SMC6: variants seen among roughly 807,000 people sequenced by gnomAD.
SMC6 encodes the protein structural maintenance of chromosomes 6.
In SMC6, 79 loss-of-function variants were observed where a neutral mutation model predicts 142.2. The observed-to-expected ratio is 0.56, with a 90% CI of 0.46 to 0.67. The LOEUF (loss-of-function observed/expected upper bound fraction) is 0.67, where lower values mean the gene tolerates loss of function less well. SMC6 is among the 30% of genes least tolerant of loss of function. SMC6 has a pLI of 0.00. For missense variants in SMC6, 1,072 were observed against 1,284.0 expected (o/e 0.83, Z 2.52); for synonymous variants, 411 against 412.4 (o/e 1.00, Z 0.04).
At chr2:17,712,822 C>A (rs1668895095) in intron 16 of SMC6, among the ~76,000 whole-genome samples, 2 of 152,190 alleles carry the variant, frequency 1.3e-5, no homozygotes, top group South Asian at 4.1e-4. Context: ...GTAAAGTTAA[C>A]AGAATGTTAG....
intron 19 of SMC6, 51 bp downstream of exon 19, chr2:17,703,106 A>G: frequency 1.7e-6 from 2 of 1,152,352 alleles, no homozygotes; most frequent in East Asian, 2.6e-5. Context: ...TCAACTTCGT[A>G]GTAGTAAGTT....
In SMC6 at chr2:17,666,499, T is replaced by C. The variant is rs184603634; in HGVS notation, c.3082A>G (p.Ile1028Val). Residue 1028 changes from isoleucine to valine, a missense_variant, in exon 27 of 28, where the codon ATT becomes GTT. Ile to Val is a conservative substitution (Grantham distance 29). Coordinates refer to ENST00000448223, the MANE Select transcript of SMC6 (RefSeq NM_001142286.2). ...ATCTTCAGTATCAAGTCCATGGCAA[T>C]TCTCCTATTAACCATATCCTGAAAA... ...DVYMDMVNRR[I>V]AMDLILKMAD... 1 of 1,613,696 alleles carries C rather than the reference T, an allele frequency of 6.2e-7. No individual in the cohort carries two copies. The highest frequency in any genetic ancestry group is 2.2e-5 in the East Asian group (1 of 44,856).
chr2:17,742,047 G>C (rs1670497921), intron 3 of SMC6, among the ~76,000 whole-genome samples: 1 of 152,066 alleles, frequency 6.6e-6, no homozygotes, highest in African/African-American at 2.4e-5. Flanking sequence ...GGCATCCCCA[G>C]CCTCTACCCA....
In SMC6 at chr2:17,665,122, T is replaced by A. The variant is rs1216442673; in HGVS notation, c.*377A>T. On this transcript the variant is annotated 3_prime_UTR_variant, in exon 28 of 28. Transcript: ENST00000448223. ...ATATCTGGAAAAGCAAAACTAAATA[T>A]AATCAGGTGCTCAAACTTTTATTTT... 1 of 154,192 alleles carries A rather than the reference T, an allele frequency of 6.5e-6. No homozygotes were observed. The highest frequency in any genetic ancestry group is 1.4e-5 in the Non-Finnish European group (1 of 69,234). 9.6% of individuals were successfully genotyped at this position (154,192 alleles called of 1,614,324 possible).
chr2:17,688,145 A>G (rs1667541586), intron 23 of SMC6, among the ~76,000 whole-genome samples: 1 of 152,238 alleles, frequency 6.6e-6, no homozygotes, highest in South Asian at 2.1e-4. Context: ...ACTGGAAGAA[A>G]TGCTACCCCA....
At chr2:17,748,379 C>A (rs1344345739) in intron 2 of SMC6, among the ~76,000 whole-genome samples, 1 of 152,102 alleles carries the variant, frequency 6.6e-6, no homozygotes, top group Admixed American at 6.6e-5. Context: ...AATGAAGAAC[C>A]TTATATATTA....
intron 19 of SMC6, among the ~76,000 whole-genome samples, chr2:17,702,821 C>T (rs556131460): frequency 4.6e-5 from 7 of 152,250 alleles, no homozygotes; most frequent in South Asian, 2.1e-4. Context: ...TTTTGCCTTC[C>T]GCCATGATTG....
intron 6 of SMC6, 43 bp from the exon 7 acceptor site, chr2:17,731,182 G>C: frequency 7.5e-7 from 1 of 1,332,518 alleles, no homozygotes; most frequent in Non-Finnish European, 1.1e-6. Flanking sequence ...TGTTTCTAGG[G>C]CATAACACAG....
intron 23 of SMC6, among the ~76,000 whole-genome samples, chr2:17,693,306 G>A (rs1667819424): frequency 6.6e-6 from 1 of 152,126 alleles, no homozygotes; most frequent in Non-Finnish European, 1.5e-5. Flanking sequence ...CAACCCAAAT[G>A]TCCATCAATG....
At chr2:17,709,193 C>G (rs1668695262) in intron 16 of SMC6, among the ~76,000 whole-genome samples, 1 of 151,968 alleles carries the variant, frequency 6.6e-6, no homozygotes, top group Admixed American at 6.6e-5. Context: ...GCCCTGCTGC[C>G]TACTATAATT....
At chr2:17,726,087 TAAAA>T (rs35471536) in intron 8 of SMC6, among the ~76,000 whole-genome samples, 28 of 54,962 alleles carry the variant, frequency 5.1e-4, no homozygotes, top group African/African-American at 2.4e-3. Flanking sequence ...GGCTCTGTCT[TAAAA>T]AAAAAAAAAA....
intron 24 of SMC6, chr2:17,681,696 T>A (rs904966885): frequency 6.6e-6 from 1 of 152,180 alleles, no homozygotes; most frequent in Non-Finnish European, 1.5e-5. Flanking sequence ...CTGTCTTATA[T>A]GGGCAGTCTG....
rs1395708981 is a variant in SMC6, at chr2:17,695,184, A to G, written c.2646T>C (p.His882=). ...NRLRQKIQAE[H]ASHGDREEIM... ...TTTCCTCTCGATCTCCATGACTAGCATGTTCTGCCTGTATCTTCTGCCTTA... is the reference window on the plus strand; with the variant it reads ...TTTCCTCTCGATCTCCATGACTAGCGTGTTCTGCCTGTATCTTCTGCCTTA... The change falls in exon 23 of 28, where the codon CAT becomes CAC. Residue 882 remains histidine (H), a synonymous_variant. Coordinates refer to ENST00000448223, the MANE Select transcript of SMC6 (RefSeq NM_001142286.2). 6.2e-7 allele frequency: 1 copy of G among 1,613,588 alleles called. No homozygotes were observed.
rs1666451567 is a variant in SMC6, at chr2:17,665,457, A to G, written c.*42T>C. The G allele has an allele frequency of 7.0e-7, 1 of 1,419,916 alleles. No homozygotes were observed. The highest frequency in any genetic ancestry group is 9.6e-7 in the Non-Finnish European group (1 of 1,037,996). The allele number at this position is 1,419,916 out of a possible 1,614,324, so 88.0% of individuals were successfully genotyped here. ...AGAGTCCAGAATTTTTTTTCCCTTC[A>G]CAAATCCTTCAACATCAGGACAAGG... On this transcript the variant is annotated 3_prime_UTR_variant, in exon 28 of 28. Coordinates refer to ENST00000448223, the MANE Select transcript of SMC6 (RefSeq NM_001142286.2).
chr2:17,684,544 C>T (rs988524689), intron 23 of SMC6, among the ~76,000 whole-genome samples: 101 of 152,244 alleles, frequency 6.6e-4, no homozygotes, highest in African/African-American at 2.3e-3. Flanking sequence ...AAACAAGAGG[C>T]CAGTTGTATT....
intron 9 of SMC6, among the ~76,000 whole-genome samples, chr2:17,722,726 C>T (rs1286494093): frequency 6.6e-6 from 1 of 152,186 alleles, no homozygotes. Flanking sequence ...CTGGTTCCTT[C>T]TCAAAATCTC....
Position 17,720,940 on chromosome 2 carries a change from C to A in SMC6, c.945G>T (p.Gln315His). 6.2e-7 allele frequency: 1 copy of A among 1,611,334 alleles called. No homozygotes were observed. The highest frequency in any genetic ancestry group is 2.2e-5 in the East Asian group (1 of 44,796). ...ATCTGCATTTAAAAACTGTAATTAC[C>A]TGCTGTTCTTCCATTTTCCTGTCAA... The part of the protein sequence containing the change: ...ARLDRKMEEQ[Q>H]VRLNEAEQKY... Residue 315 changes from glutamine (Q) to histidine (H), a missense_variant and splice_region_variant, in exon 11 of 28, where the codon CAG (glutamine) becomes CAT (histidine). By Grantham distance (24) the Gln-to-His change is conservative. Coordinates refer to ENST00000448223, the MANE Select transcript of SMC6 (RefSeq NM_001142286.2).
At chr2:17,672,842 G>A (rs1178048808) in intron 25 of SMC6, among the ~76,000 whole-genome samples, 1 of 152,082 alleles carries the variant, frequency 6.6e-6, no homozygotes, top group Non-Finnish European at 1.5e-5. Flanking sequence ...TTTGACTCTA[G>A]GTAGACACTG....
rs756126718 is a variant in SMC6, at chr2:17,745,817, T to G, written c.120+10A>C. 4.4e-6 allele frequency: 7 copies of G among 1,593,530 alleles called. No individual in the cohort carries two copies. Among genetic ancestry groups the G allele is most frequent in the Non-Finnish European group, 6.0e-6 (7 of 1,173,092 alleles). Reference sequence around the variant, plus strand: ...TATCAAAAAGCATAATTTTGTAATTTTTCGCTTACCAAAGTAGTACCTTTA... The same window carrying G: ...TATCAAAAAGCATAATTTTGTAATTGTTCGCTTACCAAAGTAGTACCTTTA... On this transcript the variant is annotated intron_variant, in intron 3 of 27. Coordinates refer to ENST00000448223, the MANE Select transcript of SMC6 (RefSeq NM_001142286.2).
Sources: allele counts gnomAD v4.1 joint callset (sites outside exome capture counted in the v4.1 genomes callset), GRCh38; gene constraint gnomAD v4.1.1; transcripts MANE v1.5; gene names NCBI Gene and HGNC (gene_info 2026-07-23, HGNC 2026-07-21).